The following ELAVL2 variants were observed in gnomAD, a reference collection of about 807,000 sequenced individuals.
ELAVL2 encodes the protein ELAV like RNA binding protein 2, also known as ELAV-like protein 2.
A neutral mutation model predicts 34.6 loss-of-function variants in ELAVL2; 4 were observed. That is an observed-to-expected ratio of 0.12 (90% confidence interval 0.06 to 0.26). The LOEUF (loss-of-function observed/expected upper bound fraction) is 0.26. Among genes scored for constraint, ELAVL2 ranks in the 10% least tolerant of loss-of-function variants. The probability of loss-of-function intolerance (pLI) is 1.00; values close to 1 mark genes in which losing one functional copy is unlikely to be tolerated. For synonymous variants in ELAVL2, 193 were observed against 154.8 expected, an observed-to-expected ratio of 1.25 and a Z score of -1.83; for missense variants, 432 against 442.8, an observed-to-expected ratio of 0.98 and a Z score of 0.22.
intron 2 of ELAVL2, among the ~76,000 whole-genome samples, chr9:23,739,326 C>T (rs991180874): frequency 5.9e-5 from 9 of 152,086 alleles, no homozygotes; most frequent in Admixed American, 5.9e-4. Flanking sequence ...GATAGGTCAG[C>T]AGTTCTACCT....
At chr9:23,806,851 G>C (rs1201545254) in intron 1 of ELAVL2, among the ~76,000 whole-genome samples, 1 of 152,196 alleles carries the variant, frequency 6.6e-6, no homozygotes, top group African/African-American at 2.4e-5. Context: ...TCTCATACCT[G>C]CTGTCCCTGT....
At chr9:23,847,720 C>A in the ELAVL2 span, among the ~76,000 whole-genome samples, 12 of 151,724 alleles carry the variant, frequency 7.9e-5, no homozygotes, top group Admixed American at 6.6e-4. Context: ...ATTTAGCAAA[C>A]CTAAAATTGG....
chr9:23,794,281 C>G (rs1402004715), intron 1 of ELAVL2, among the ~76,000 whole-genome samples: 3 of 152,174 alleles, frequency 2.0e-5, no homozygotes, highest in Non-Finnish European at 2.9e-5. Flanking sequence ...GTGTAACATT[C>G]AGGGACTTCA....
chr9:23,762,038 T>A lies in ELAVL2; in HGVS notation c.197A>T (p.Glu66Val). Reference sequence around the variant, plus strand: ...TTTGTCTCTTACAAGCTTACAGGACTCTATTTCACCAATGCTCCCAAAGAG... The same window carrying A: ...TTTGTCTCTTACAAGCTTACAGGACACTATTTCACCAATGCTCCCAAAGAG... ...KSLFGSIGEI[E>V]SCKLVRDKIT... The change falls in exon 2 of 7, where the codon GAG (glutamate) becomes GTG (valine). Residue 66 changes from glutamate (E) to valine (V), a missense_variant. Transcript: ENST00000397312. 1 of 1,613,174 alleles carries A rather than the reference T, an allele frequency of 6.2e-7. No homozygotes were observed. The highest frequency in any genetic ancestry group is 8.5e-7 in the Non-Finnish European group (1 of 1,179,416).
chr9:23,709,765 A>C (rs1029532057), intron 3 of ELAVL2, among the ~76,000 whole-genome samples: 1 of 152,204 alleles, frequency 6.6e-6, no homozygotes, highest in African/African-American at 2.4e-5. Context: ...TAAACAGGTG[A>C]ATATTTAATG....
At chr9:23,793,151 C>T (rs2060518031) in intron 1 of ELAVL2, among the ~76,000 whole-genome samples, 1 of 152,270 alleles carries the variant, frequency 6.6e-6, no homozygotes, top group African/African-American at 2.4e-5. Flanking sequence ...TTCTAAATGG[C>T]AGCTGGAAGA....
At chr9:23,841,433 A>G in the ELAVL2 span, among the ~76,000 whole-genome samples, 1 of 151,818 alleles carries the variant, frequency 6.6e-6, no homozygotes, top group Non-Finnish European at 1.5e-5. Flanking sequence ...TTTTTACTTT[A>G]GAGTTTCTAG....
chr9:23,733,952 C>G (rs1394224385), intron 2 of ELAVL2, among the ~76,000 whole-genome samples: 2 of 152,068 alleles, frequency 1.3e-5, no homozygotes, highest in Non-Finnish European at 2.9e-5. Context: ...GTTGTTTATA[C>G]TCAGAAATAT....
intron 1 of ELAVL2, among the ~76,000 whole-genome samples, chr9:23,774,818 T>C (rs1318360007): frequency 1.3e-5 from 2 of 151,974 alleles, no homozygotes; most frequent in African/African-American, 4.8e-5. Context: ...AGATTTACAA[T>C]ACAGAGAAAA....
At chr9:23,745,832 CA>C (rs1036174554) in intron 2 of ELAVL2, among the ~76,000 whole-genome samples, 1 of 152,138 alleles carries the variant, frequency 6.6e-6, no homozygotes, top group Non-Finnish European at 1.5e-5. Flanking sequence ...CTACTAAAAG[CA>C]ATGGGAGTCA....
intron 1 of ELAVL2, among the ~76,000 whole-genome samples, chr9:23,806,834 CCTT>C (rs1175502048): frequency 6.6e-6 from 1 of 152,118 alleles, no homozygotes; most frequent in Non-Finnish European, 1.5e-5. Flanking sequence ...CGTAACAGCT[CCTT>C]AACTCTCATA....
chr9:23,705,914 A>G (rs1170608548), intron 3 of ELAVL2, among the ~76,000 whole-genome samples: 1 of 152,166 alleles, frequency 6.6e-6, no homozygotes, highest in East Asian at 1.9e-4. Context: ...TTCCAAATTC[A>G]TGGAACATTT....
intron 3 of ELAVL2, among the ~76,000 whole-genome samples, chr9:23,723,958 C>G (rs1424249833): frequency 6.6e-6 from 1 of 152,144 alleles, no homozygotes; most frequent in Non-Finnish European, 1.5e-5. Flanking sequence ...CTACCTTACA[C>G]AGAAGCAATA....
chr9:23,822,481 C>A (rs907164325), intron 1 of ELAVL2, among the ~76,000 whole-genome samples: 5 of 152,154 alleles, frequency 3.3e-5, no homozygotes, highest in Non-Finnish European at 5.9e-5. Flanking sequence ...CCCGAAATGG[C>A]CAACTCTTCA....
At chr9:23,796,659 A>G (rs1323738696) in intron 1 of ELAVL2, among the ~76,000 whole-genome samples, 1 of 152,244 alleles carries the variant, frequency 6.6e-6, no homozygotes, top group Admixed American at 6.5e-5. Flanking sequence ...ATCCTTACGG[A>G]GAGCCTTGAC....
At chr9:23,765,414 A>G (rs2136129425) in intron 1 of ELAVL2, among the ~76,000 whole-genome samples, 1 of 152,288 alleles carries the variant, frequency 6.6e-6, no homozygotes, top group East Asian at 1.9e-4. Context: ...ATAAAGCAAA[A>G]TACTGCAGGC....
At chr9:23,718,379 T>A (rs1274911286) in intron 3 of ELAVL2, among the ~76,000 whole-genome samples, 1 of 152,204 alleles carries the variant, frequency 6.6e-6, no homozygotes, top group Admixed American at 6.5e-5. Context: ...GGATCTAATG[T>A]ATGTATACAG....
At chr9:23,714,239 A>C (rs765293933) in intron 3 of ELAVL2, among the ~76,000 whole-genome samples, 1 of 152,196 alleles carries the variant, frequency 6.6e-6, no homozygotes, top group East Asian at 1.9e-4. Flanking sequence ...CAAAAACTCA[A>C]GGAATACTAT....
chr9:23,824,291 G>A (rs1326080270), intron 1 of ELAVL2, among the ~76,000 whole-genome samples: 1 of 152,150 alleles, frequency 6.6e-6, no homozygotes, highest in Non-Finnish European at 1.5e-5. Context: ...AAATAGGTGG[G>A]TACGTAGCAA....
Sources: allele counts gnomAD v4.1 joint callset (sites outside exome capture counted in the v4.1 genomes callset), GRCh38; gene constraint gnomAD v4.1.1; transcripts MANE v1.5; gene names NCBI Gene and HGNC (gene_info 2026-07-23, HGNC 2026-07-21).